SCML4: variants seen among roughly 807,000 people sequenced by gnomAD.
The protein encoded by SCML4 is Scm polycomb group protein like 4, also known as sex comb on midleg-like protein 4.
In SCML4, 34 loss-of-function variants were observed where a neutral mutation model predicts 41.1. The observed-to-expected ratio is 0.83, with a 90% confidence interval of 0.63 to 1.10. The LOEUF is 1.10. Among genes scored for constraint, SCML4 ranks in the 50% least tolerant of loss-of-function variants. The probability of loss-of-function intolerance (pLI) is 0.00; values close to 1 mark genes in which losing one functional copy is unlikely to be tolerated. For synonymous variants in SCML4, 214 were observed against 220.9 expected (o/e 0.97, Z 0.28); for missense variants, 522 against 534.1 (o/e 0.98, Z 0.22).
chr6:107,755,575 C>A (rs1460487823), intron 2 of SCML4: 1 of 1,334,050 alleles, frequency 7.5e-7, no homozygotes, highest in South Asian at 1.2e-5. Flanking sequence ...ACAAACCTCT[C>A]TCCAGTGGAA....
intron 6 of SCML4, 133 bp downstream of exon 6, chr6:107,720,570 C>G: frequency 1.4e-6 from 2 of 1,430,942 alleles, no homozygotes; most frequent in Admixed American, 5.1e-5. Flanking sequence ...CATGAAAGGA[C>G]TTGTGGAAAT....
chr6:107,798,886 T>C (rs1782901220), intron 1 of SCML4, among the ~76,000 whole-genome samples: 1 of 152,158 alleles, frequency 6.6e-6, no homozygotes. Flanking sequence ...TTTTAATTTC[T>C]ACATATTTGG....
intron 1 of SCML4, among the ~76,000 whole-genome samples, chr6:107,784,171 A>T (rs1781708197): frequency 6.6e-6 from 1 of 152,204 alleles, no homozygotes; most frequent in African/African-American, 2.4e-5. Context: ...CCAGTTCGTG[A>T]CCGGGCAGAA....
Position 107,772,198 on chromosome 6 carries a change from T to C in SCML4, c.130A>G (p.Lys44Glu). 6.4e-7 allele frequency: 1 copy of C among 1,551,112 alleles called. No individual in the cohort carries two copies. The highest frequency in any genetic ancestry group is 8.7e-7 in the Non-Finnish European group (1 of 1,146,814). ...TTGTACCCGGGTTTCCGCCCTCTTT[T>C]CTTTGGGATCTTCACTGCTGGTAAA... ...GSLPAVKIPK[K>E]RGRKPGYKIK... is the part of the protein sequence containing the mutation. Residue 44 changes from lysine to glutamate, a missense_variant, in exon 2 of 8, where the codon AAA becomes GAA. Lys to Glu is a moderately conservative substitution (Grantham distance 56). Coordinates refer to ENST00000369020, the MANE Select transcript of SCML4 (RefSeq NM_198081.5).
rs552892588 is a variant in SCML4 at position 107,792,138 on chromosome 6, A to G, written c.-59-19752T>C. 9.8e-5 allele frequency among the ~76,000 whole-genome samples: 15 copies of G among 152,328 alleles called. No homozygotes were observed. In the South Asian group the frequency reaches 1.9e-3, roughly 19 times the overall value. ...AGATTATTTCATGGATCAGATAGGA[A>G]CACGTGAGCAGAAGGATAACACTGT... On this transcript the variant is annotated intron_variant, in intron 1 of 7. Coordinates refer to ENST00000369020, the MANE Select transcript of SCML4 (RefSeq NM_198081.5).
chr6:107,837,396 G>A, the SCML4 span, among the ~76,000 whole-genome samples: 1 of 152,176 alleles, frequency 6.6e-6, no homozygotes, highest in Non-Finnish European at 1.5e-5. Context: ...TCAGATTCTA[G>A]GCATTATGGT....
chr6:107,752,893 A>T (rs561900497), intron 2 of SCML4, among the ~76,000 whole-genome samples: 18 of 152,288 alleles, frequency 1.2e-4, no homozygotes, highest in African/African-American at 4.3e-4. Context: ...AGGGCATGGG[A>T]AATGCAATTG....
At chr6:107,768,585 G>A (rs1780263408) in intron 2 of SCML4, among the ~76,000 whole-genome samples, 2 of 152,112 alleles carry the variant, frequency 1.3e-5, no homozygotes, top group African/African-American at 2.4e-5. Context: ...AGGAGCGGAG[G>A]GCTGCTGCCT....
intron 2 of SCML4, chr6:107,755,468 C>G (rs7750796): frequency 0.16 from 45,500 of 285,936 alleles, 3,976 homozygotes; most frequent in Middle Eastern, 0.19. Context: ...AGGGAGTCAC[C>G]CATGATTTTG....
intron 6 of SCML4, among the ~76,000 whole-genome samples, chr6:107,708,638 T>C (rs191311001): frequency 4.3e-4 from 66 of 152,288 alleles, no homozygotes; most frequent in African/African-American, 1.5e-3. Context: ...CAGGTACACA[T>C]TGAGTCCTTG....
chr6:107,843,482 T>A, the SCML4 span, among the ~76,000 whole-genome samples: 2 of 152,144 alleles, frequency 1.3e-5, no homozygotes, highest in Non-Finnish European at 2.9e-5. Flanking sequence ...TTCAGTAAAG[T>A]ACCCTTTGAC....
At chr6:107,747,107 T>C (rs965739230) in intron 3 of SCML4, among the ~76,000 whole-genome samples, 7 of 152,194 alleles carry the variant, frequency 4.6e-5, no homozygotes, top group Non-Finnish European at 8.8e-5. Flanking sequence ...TCGGGGGCTT[T>C]CTTGGTTGGA....
intron 7 of SCML4, among the ~76,000 whole-genome samples, chr6:107,707,236 A>G (rs1232665015): frequency 6.6e-6 from 1 of 152,198 alleles, no homozygotes; most frequent in Admixed American, 6.5e-5. Context: ...GGGAAGGCAG[A>G]GGCTGCAGTG....
At chr6:107,717,143 CAAAAAAAAAAAAAA>C (rs546258538) in intron 6 of SCML4, among the ~76,000 whole-genome samples, 25 of 63,538 alleles carry the variant, frequency 3.9e-4, no homozygotes, top group African/African-American at 1.9e-3. Flanking sequence ...ACTAAAAATA[CAAAAAAAAAAAAAA>C]AAAAAAAAAA....
In SCML4 at chr6:107,743,276, G is replaced by A. The variant is rs370036680; in HGVS notation, c.682+1673C>T. Among the ~76,000 whole-genome samples, 226 of 152,270 alleles carry A rather than the reference G, an allele frequency of 1.5e-3. 1 individual carries two copies. The highest frequency in any genetic ancestry group is 5.3e-3 in the African/African-American group (219 of 41,552). Reference sequence around the variant, plus strand: ...TTGACTAGAGAACATTTTGTAACCTGAAAGGAGCCAGAAAAGCCAATACTT... The same window carrying A: ...TTGACTAGAGAACATTTTGTAACCTAAAAGGAGCCAGAAAAGCCAATACTT... On this transcript the variant is annotated intron_variant, in intron 5 of 7. Transcript: ENST00000369020.
intron 2 of SCML4, among the ~76,000 whole-genome samples, chr6:107,751,630 CTTT>C (rs1562218920): frequency 2.3e-4 from 32 of 142,114 alleles, no homozygotes; most frequent in African/African-American, 7.5e-4. Flanking sequence ...TTCTTTCTTT[CTTT>C]CTTTCTTTCT....
chr6:107,719,797 A>T, intron 6 of SCML4: 1 of 636,592 alleles, frequency 1.6e-6, no homozygotes, highest in Non-Finnish European at 2.0e-6. Context: ...TGCAAAAGGT[A>T]GGCAGGAAGC....
intron 5 of SCML4, 56 bp downstream of exon 5, chr6:107,744,893 A>G: frequency 1.4e-6 from 2 of 1,397,620 alleles, no homozygotes; most frequent in Non-Finnish European, 2.0e-6. Context: ...GGAAGGGCAG[A>G]GACACCTGGG....
intron 1 of SCML4, among the ~76,000 whole-genome samples, 158 bp from the exon 2 acceptor site, chr6:107,772,544 G>A (rs978427816): frequency 2.6e-5 from 4 of 152,168 alleles, no homozygotes; most frequent in East Asian, 1.9e-4. Flanking sequence ...ATGCATTTAC[G>A]ATGCTGTTGG....
Sources: gnomAD v4.1 joint callset for allele counts (sites outside exome capture counted in the v4.1 genomes callset) on GRCh38, gnomAD v4.1.1 for gene constraint, MANE v1.5 for transcripts, NCBI Gene and HGNC (gene_info 2026-07-23, HGNC 2026-07-21) for gene names.